KSR2: variants seen among roughly 807,000 people sequenced by gnomAD.
The protein encoded by KSR2 is kinase suppressor of ras 2.
A neutral mutation model predicts 107.8 loss-of-function variants in KSR2; 25 were observed. That is an observed-to-expected ratio of 0.23 (90% CI 0.17 to 0.32). The LOEUF (loss-of-function observed/expected upper bound fraction) is 0.32. Ranked by LOEUF, KSR2 falls within the 10% of genes least tolerant of loss-of-function variation. KSR2 has a pLI of 1.00. For synonymous variants in KSR2, 480 were observed against 507.0 expected (o/e 0.95, Z 0.71); for missense variants, 887 against 1,268.9 (o/e 0.70, Z 4.57).
chr12:117,886,846 CAT>C lies in KSR2; in HGVS notation c.181-26417_181-26416del, dbSNP rs200710027. 1.9e-3 allele frequency among the ~76,000 whole-genome samples: 283 copies of C among 152,128 alleles called. 9 individuals carry two copies. The East Asian group carries it at 0.041, about 22-fold the overall frequency. On this transcript the variant is annotated intron_variant, in intron 1 of 19. Coordinates refer to ENST00000339824, the MANE Select transcript of KSR2 (RefSeq NM_173598.6). ...CTTTTTTGCTATGTATATTTTATCT[CAT>C]GTGCATGTATTACCTGGCTTATTAA...
chr12:117,909,541 C>T (rs1273306113), intron 1 of KSR2, among the ~76,000 whole-genome samples: 1 of 152,188 alleles, frequency 6.6e-6, no homozygotes, highest in Admixed American at 6.5e-5. Context: ...TGCACTGACA[C>T]GGCATTAACC....
chr12:117,940,312 A>G (rs1895970436), intron 1 of KSR2, among the ~76,000 whole-genome samples: 1 of 152,202 alleles, frequency 6.6e-6, no homozygotes, highest in Admixed American at 6.5e-5. Context: ...TTCATACCCC[A>G]GCAAACTCTC....
intron 5 of KSR2, among the ~76,000 whole-genome samples, chr12:117,627,086 A>G (rs1370736468): frequency 6.6e-6 from 1 of 150,722 alleles, no homozygotes; most frequent in African/African-American, 2.5e-5. Flanking sequence ...TTTTGAGCCT[A>G]TGTGCGTCTT....
chr12:117,667,559 C>A lies in KSR2; in HGVS notation c.1086G>T (p.Glu362Asp). ...PSQQRSPLLSERSLRSFFVGH... is the reference protein window; with the variant it reads ...PSQQRSPLLSDRSLRSFFVGH... ...CCACAAAGAAGGAGCGGAGGGAGCG[C>A]TCGGACAGCAGCGGGGAGCGCTGCT... Residue 362 changes from glutamate to aspartate, a missense_variant, in exon 5 of 20, where the codon GAG becomes GAT. By Grantham distance (45) the Glu-to-Asp change is conservative. This residue lies in a region of KSR2 where 399 missense variants were observed against 479.5 expected (regional missense o/e 0.83). Transcript: ENST00000339824. 6.2e-7 allele frequency: 1 copy of A among 1,613,272 alleles called. No individual in the cohort carries two copies. The highest frequency in any genetic ancestry group is 1.7e-5 in the Admixed American group (1 of 59,954).
chr12:117,877,987 G>A (rs991935046), intron 1 of KSR2, among the ~76,000 whole-genome samples: 1 of 152,204 alleles, frequency 6.6e-6, no homozygotes, highest in Non-Finnish European at 1.5e-5. Context: ...TTTATTTGTT[G>A]TAAATATCAC....
chr12:117,776,674 T>C (rs1889696504), intron 3 of KSR2, among the ~76,000 whole-genome samples: 2 of 152,008 alleles, frequency 1.3e-5, no homozygotes, highest in South Asian at 2.1e-4. Context: ...ATATGGATGT[T>C]AGGGCAGGGT....
chr12:117,475,612 C>A (rs1227414738), intron 17 of KSR2, among the ~76,000 whole-genome samples: 1 of 152,160 alleles, frequency 6.6e-6, no homozygotes, highest in African/African-American at 2.4e-5. Flanking sequence ...ATTTATCATA[C>A]TTTGCTAAAG....
chr12:117,556,971 C>T (rs943327713), intron 8 of KSR2, among the ~76,000 whole-genome samples: 1 of 152,132 alleles, frequency 6.6e-6, no homozygotes, highest in African/African-American at 2.4e-5. Flanking sequence ...TCAAGACCAG[C>T]CTGACCCACA....
chr12:117,538,905 G>A (rs1876249105), intron 10 of KSR2, among the ~76,000 whole-genome samples: 3 of 152,016 alleles, frequency 2.0e-5, no homozygotes, highest in Admixed American at 1.3e-4. Context: ...CATTCTTAGG[G>A]CCCTAGCAGA....
chr12:117,489,498 G>C (rs1872636880), intron 14 of KSR2, among the ~76,000 whole-genome samples: 1 of 142,884 alleles, frequency 7.0e-6, no homozygotes, highest in African/African-American at 2.6e-5. Context: ...AGTGCATGGA[G>C]ATTACACCAC....
At chr12:117,693,777 C>T (rs1320243291) in intron 4 of KSR2, among the ~76,000 whole-genome samples, 5 of 152,140 alleles carry the variant, frequency 3.3e-5, no homozygotes, top group African/African-American at 4.8e-5. Flanking sequence ...CGGGTCCTAC[C>T]GTCATCCCCA....
At chr12:117,748,098 A>G (rs949627142) in intron 4 of KSR2, among the ~76,000 whole-genome samples, 2 of 152,256 alleles carry the variant, frequency 1.3e-5, no homozygotes, top group Admixed American at 6.5e-5. Context: ...TGGTATATAT[A>G]TGCACAATGG....
At chr12:117,534,092 G>A (rs1875855265) in intron 10 of KSR2, among the ~76,000 whole-genome samples, 1 of 151,970 alleles carries the variant, frequency 6.6e-6, no homozygotes, top group Non-Finnish European at 1.5e-5. Flanking sequence ...TCAGGACCTG[G>A]GAGGCTGCAG....
At chr12:117,959,260 G>A (rs1303128625) in intron 1 of KSR2, among the ~76,000 whole-genome samples, 1 of 152,192 alleles carries the variant, frequency 6.6e-6, no homozygotes, top group Non-Finnish European at 1.5e-5. Context: ...AATGTAGCAT[G>A]TCAAACAGGA....
intron 5 of KSR2, among the ~76,000 whole-genome samples, chr12:117,608,964 G>C (rs529581057): frequency 6.6e-6 from 1 of 152,112 alleles, no homozygotes; most frequent in African/African-American, 2.4e-5. Flanking sequence ...CCACAGCTAG[G>C]GAGTCTCCCC....
intron 4 of KSR2, among the ~76,000 whole-genome samples, chr12:117,701,293 A>G (rs1886300072): frequency 6.6e-6 from 1 of 152,054 alleles, no homozygotes; most frequent in African/African-American, 2.4e-5. Flanking sequence ...GTGTTTCATC[A>G]TGTTGGCCAG....
chr12:117,535,501 C>T (rs969524992), intron 10 of KSR2, among the ~76,000 whole-genome samples: 1 of 152,154 alleles, frequency 6.6e-6, no homozygotes, highest in Admixed American at 6.5e-5. Flanking sequence ...CATGAGCCCA[C>T]ATGGCCCAAG....
chr12:117,718,605 C>T (rs1887088857), intron 4 of KSR2, among the ~76,000 whole-genome samples: 1 of 152,116 alleles, frequency 6.6e-6, no homozygotes, highest in Non-Finnish European at 1.5e-5. Flanking sequence ...CTGAGGCTCG[C>T]ACATGCCCAG....
intron 4 of KSR2, among the ~76,000 whole-genome samples, chr12:117,733,188 G>C (rs1016524855): frequency 2.6e-5 from 4 of 152,086 alleles, no homozygotes; most frequent in Non-Finnish European, 5.9e-5. Flanking sequence ...GCTTCCTACT[G>C]ACTGTCCTCA....
Sources: gnomAD v4.1 joint callset for allele counts (sites outside exome capture counted in the v4.1 genomes callset) on GRCh38, gnomAD v4.1.1 for gene constraint, gnomAD v4.1.1 regional missense constraint, MANE v1.5 for transcripts, NCBI Gene and HGNC (gene_info 2026-07-23, HGNC 2026-07-21) for gene names.